Variants in DPP6 observed in about 807,000 individuals in gnomAD.
The protein encoded by DPP6 is dipeptidyl peptidase like 6.
In DPP6, 69 loss-of-function variants were observed where a neutral mutation model predicts 122.6. That is an observed-to-expected ratio of 0.56 (90% confidence interval 0.46 to 0.69). DPP6 has a LOEUF of 0.69. Ranked by LOEUF, DPP6 falls within the 30% of genes least tolerant of loss-of-function variation. The pLI, the probability that DPP6 is intolerant of heterozygous loss-of-function variation, is 0.00. For synonymous variants in DPP6, 418 were observed against 433.1 expected (o/e 0.97, Z 0.43); for missense variants, 928 against 1,116.9 (o/e 0.83, Z 2.41).
the DPP6 span, among the ~76,000 whole-genome samples, chr7:153,863,077 T>C: frequency 2.6e-5 from 4 of 152,200 alleles, no homozygotes; most frequent in Non-Finnish European, 2.9e-5. Context: ...ACCATATAAA[T>C]GTATACTTGC....
intron 3 of DPP6, among the ~76,000 whole-genome samples, chr7:154,527,423 A>T (rs897465501): frequency 1.3e-5 from 2 of 152,188 alleles, no homozygotes; most frequent in African/African-American, 2.4e-5. Context: ...GATACTGGAG[A>T]TTACAGATTA....
chr7:154,690,782 A>G (rs1057241432), intron 7 of DPP6, among the ~76,000 whole-genome samples: 1 of 152,120 alleles, frequency 6.6e-6, no homozygotes, highest in African/African-American at 2.4e-5. Context: ...TGAGGACACA[A>G]AAAACCCTGG....
intron 17 of DPP6, among the ~76,000 whole-genome samples, chr7:154,861,274 T>C (rs942498382): frequency 6.6e-6 from 1 of 152,212 alleles, no homozygotes; most frequent in Non-Finnish European, 1.5e-5. Flanking sequence ...ATGTTTCCCC[T>C]ACACATTTTT....
At chr7:154,586,134 C>T (rs1427393632) in intron 5 of DPP6, among the ~76,000 whole-genome samples, 1 of 151,960 alleles carries the variant, frequency 6.6e-6, no homozygotes, top group Non-Finnish European at 1.5e-5. Flanking sequence ...CTCGTTGCCA[C>T]CGTCTTGGAG....
At chr7:154,114,100 G>T (rs1436903399) in intron 1 of DPP6, among the ~76,000 whole-genome samples, 1 of 151,594 alleles carries the variant, frequency 6.6e-6, no homozygotes. Flanking sequence ...AGAATATTTT[G>T]CAAGAGTTGA....
intron 1 of DPP6, among the ~76,000 whole-genome samples, chr7:153,960,338 C>T (rs906839592): frequency 2.6e-5 from 4 of 151,932 alleles, no homozygotes; most frequent in South Asian, 2.1e-4. Flanking sequence ...TCCTTGTGTA[C>T]GCATAATTTT....
chr7:154,867,813 T>A (rs1478269759), intron 17 of DPP6, among the ~76,000 whole-genome samples, 182 bp from the exon 18 acceptor site: 1 of 152,190 alleles, frequency 6.6e-6, no homozygotes, highest in Non-Finnish European at 1.5e-5. Context: ...GTCTAGGCTT[T>A]TGAGCGCATA....
intron 5 of DPP6, among the ~76,000 whole-genome samples, chr7:154,573,480 C>T (rs1388908662): frequency 2.0e-5 from 3 of 152,252 alleles, no homozygotes; most frequent in African/African-American, 7.2e-5. Context: ...GAAGCTGCCC[C>T]TTCACTGCCT....
At chr7:154,711,030 A>G (rs955034170) in intron 7 of DPP6, among the ~76,000 whole-genome samples, 1 of 152,238 alleles carries the variant, frequency 6.6e-6, no homozygotes, top group Admixed American at 6.5e-5. Context: ...AGGAAATGTG[A>G]TAACTCAAGA....
chr7:153,936,096 T>C (rs1315553026), intron 1 of DPP6, among the ~76,000 whole-genome samples: 1 of 152,186 alleles, frequency 6.6e-6, no homozygotes, highest in East Asian at 1.9e-4. Context: ...AGCTATTCTG[T>C]CTGTACCGGC....
chr7:154,383,318 A>G (rs535381995), intron 1 of DPP6, among the ~76,000 whole-genome samples: 1 of 152,340 alleles, frequency 6.6e-6, no homozygotes, highest in African/African-American at 2.4e-5. Context: ...GCAACTCATA[A>G]AATACAATTT....
intron 1 of DPP6, among the ~76,000 whole-genome samples, chr7:154,341,711 T>A (rs1442852041): frequency 1.3e-5 from 2 of 151,966 alleles, no homozygotes; most frequent in African/African-American, 2.4e-5. Context: ...TGTACGTGTG[T>A]TTGTGTTTCA....
intron 5 of DPP6, among the ~76,000 whole-genome samples, chr7:154,589,552 C>A (rs187093356): frequency 6.6e-6 from 1 of 152,350 alleles, no homozygotes; most frequent in East Asian, 1.9e-4. Context: ...TACAGTTGCA[C>A]TGGCCAAGAT....
At chr7:153,762,223 A>C in the DPP6 span, among the ~76,000 whole-genome samples, 1 of 152,242 alleles carries the variant, frequency 6.6e-6, no homozygotes, top group Non-Finnish European at 1.5e-5. Flanking sequence ...AATAGATTCT[A>C]ATTCCCTGCA....
At chr7:154,335,909 T>G (rs1247680909) in intron 1 of DPP6, among the ~76,000 whole-genome samples, 2 of 152,120 alleles carry the variant, frequency 1.3e-5, no homozygotes, top group East Asian at 1.9e-4. Context: ...GCATGCTATT[T>G]GCCACATTGC....
chr7:154,496,114 A>G (rs936287172), intron 3 of DPP6, among the ~76,000 whole-genome samples: 6 of 152,362 alleles, frequency 3.9e-5, no homozygotes, highest in Non-Finnish European at 8.8e-5. Context: ...GGTTTCACAC[A>G]TATTGTATAT....
chr7:154,408,774 T>C (rs1816340763), intron 1 of DPP6, among the ~76,000 whole-genome samples: 1 of 152,142 alleles, frequency 6.6e-6, no homozygotes, highest in Admixed American at 6.5e-5. Context: ...CCCTGTTTTT[T>C]TTTTTTCTGA....
At chr7:153,840,258 C>A in the DPP6 span, among the ~76,000 whole-genome samples, 1 of 152,028 alleles carries the variant, frequency 6.6e-6, no homozygotes. Flanking sequence ...AGAAAAAAAA[C>A]ATACTGTGCA....
intron 1 of DPP6, among the ~76,000 whole-genome samples, chr7:154,098,582 C>A (rs202065032): frequency 0.084 from 11,622 of 137,738 alleles, 731 homozygotes; most frequent in African/African-American, 0.21. Context: ...CTCCTAGGGG[C>A]CTTGCTCAGC....
Sources: gnomAD v4.1 joint callset for allele counts (sites outside exome capture counted in the v4.1 genomes callset) on GRCh38, gnomAD v4.1.1 for gene constraint, MANE v1.5 for transcripts, NCBI Gene and HGNC (gene_info 2026-07-23, HGNC 2026-07-21) for gene names.